Variants in FHL1 observed in about 807,000 individuals in gnomAD.
FHL1 encodes the protein four and a half LIM domains protein 1.
A neutral mutation model predicts 20.3 loss-of-function variants in FHL1; 1 was observed. The ratio of observed to expected loss-of-function variants is 0.05; its 90% CI spans 0.02 to 0.23. The LOEUF is 0.23. Among genes scored for constraint, FHL1 ranks in the 10% least tolerant of loss-of-function variants. The pLI is 1.00. For missense variants in FHL1, 177 were observed against 234.0 expected (o/e 0.76, Z 1.59); for synonymous variants, 82 against 88.9 (o/e 0.92, Z 0.44).
chrX:136,183,349 G>C (rs1481864574), intron 2 of FHL1, among the ~76,000 whole-genome samples: 1 of 111,256 alleles, frequency 9.0e-6, no homozygotes, highest in Non-Finnish European at 1.9e-5. Flanking sequence ...ATGCACTTTG[G>C]TCTTGGAAGA....
At chrX:136,181,362 T>G (rs1165903653) in intron 2 of FHL1, among the ~76,000 whole-genome samples, 2 of 111,780 alleles carry the variant, frequency 1.8e-5, no homozygotes, top group Non-Finnish European at 3.8e-5. Flanking sequence ...AGGAGAGAGA[T>G]GGTTAGGATG....
rs2073849496 is a variant in FHL1, at chrX:136,206,654, T to C, written c.204+66T>C. ...TTGGAGTGTCCTTTGCCCACAACCA[T>C]GGCAGCAGCAGCTGGCTGTTAGGAT... is the stretch of plus-strand genomic sequence containing the variant. On this transcript the variant is annotated intron_variant, in intron 2 of 5. Transcript: ENST00000370683. 3.4e-6 allele frequency: 4 copies of C among 1,170,698 alleles called. No individual in the cohort carries two copies. In the South Asian group the frequency reaches 5.4e-5, roughly 16 times the overall value.
intron 1 of FHL1, chrX:136,148,521 CTCCCGCCTCGAAAAACGTGAAA>C (rs2072173004): frequency 9.1e-6 from 1 of 110,423 alleles, no homozygotes; most frequent in African/African-American, 3.3e-5. Flanking sequence ...GGCGTGACCT[CTCCCGCCTCGAAAAACGTGAAA>C]TCCTTACAAG....
intron 1 of FHL1, among the ~76,000 whole-genome samples, chrX:136,198,822 G>T (rs2073627678): frequency 1.8e-5 from 2 of 111,716 alleles, no homozygotes; most frequent in Non-Finnish European, 3.8e-5. Flanking sequence ...CAGGTTTGGG[G>T]TGTGGAGGGG....
At chrX:136,171,081 A>C (rs1332835676) in intron 2 of FHL1, among the ~76,000 whole-genome samples, 1 of 111,719 alleles carries the variant, frequency 9.0e-6, no homozygotes, top group African/African-American at 3.3e-5. Flanking sequence ...CATTTCATCA[A>C]TTATGGTGGT....
At chrX:136,173,013 G>A (rs769697777) in intron 2 of FHL1, among the ~76,000 whole-genome samples, 1 of 113,016 alleles carries the variant, frequency 8.8e-6, no homozygotes, top group South Asian at 3.6e-4. Context: ...GATTACAGGC[G>A]TGAGCCACCA....
intron 2 of FHL1, among the ~76,000 whole-genome samples, chrX:136,190,602 C>G (rs1206789109): frequency 9.0e-6 from 1 of 111,722 alleles, no homozygotes; most frequent in Non-Finnish European, 1.9e-5. Flanking sequence ...AGAGAATCTG[C>G]AAAATGTGTC....
At chrX:136,155,948 G>T (rs141099063) in intron 1 of FHL1, among the ~76,000 whole-genome samples, 1,428 of 110,510 alleles carry the variant, frequency 0.013, 12 homozygotes, top group Middle Eastern at 0.023. Flanking sequence ...TTTTCTTCCT[G>T]TTCCTTATTA....
At chrX:136,187,204 G>A (rs2148334462) in intron 2 of FHL1, among the ~76,000 whole-genome samples, 1 of 110,053 alleles carries the variant, frequency 9.1e-6, no homozygotes, top group East Asian at 2.8e-4. Flanking sequence ...ATCTCCAGAA[G>A]CATAAAGAAG....
At position 136,210,275 on chromosome X, in the gene FHL1, T is replaced by C. The variant is rs1569530902; in HGVS notation, c.*250T>C. 2.1e-6 allele frequency: 1 copy of C among 479,901 alleles called. No individual in the cohort carries two copies. The highest frequency in any genetic ancestry group is 3.7e-6 in the Non-Finnish European group (1 of 267,309). The allele number at this position is 479,901 out of a possible 1,213,427, so 39.5% of individuals were successfully genotyped here. ...TGCAATTTAAAAATGAAAACTTAGG[T>C]AGATTGACTCTTCTGCATGTTTCTC... On this transcript the variant is annotated 3_prime_UTR_variant, in exon 6 of 6. Coordinates refer to ENST00000370683, the MANE Select transcript of FHL1 (RefSeq NM_001159699.2).
chrX:136,170,863 G>A (rs2072846993), intron 2 of FHL1, among the ~76,000 whole-genome samples: 1 of 111,325 alleles, frequency 9.0e-6, no homozygotes, highest in Non-Finnish European at 1.9e-5. Context: ...GCCCACCCCT[G>A]CATGCAGCCA....
intron 5 of FHL1, chrX:136,209,454 C>G: frequency 8.3e-7 from 1 of 1,207,945 alleles, no homozygotes; most frequent in African/African-American, 1.7e-5. Flanking sequence ...TAAGTGCACA[C>G]CCCACGAACA....
rs1370793393 is a variant in FHL1, at chrX:136,206,497, A to C, written c.113A>C (p.Lys38Thr). The change falls in exon 2 of 6, where the codon AAG (lysine) becomes ACG (threonine). Residue 38 changes from lysine to threonine, a missense_variant. Lys to Thr is a moderately conservative substitution (Grantham distance 78). Transcript: ENST00000370683. Reference sequence around the variant, plus strand: ...TTGCAGGGGAAGAAGTATGTGCAAAAGGATGGCCACCACTGCTGCCTGAAA... The same window carrying C: ...TTGCAGGGGAAGAAGTATGTGCAAACGGATGGCCACCACTGCTGCCTGAAA... ...DPLQGKKYVQ[K>T]DGHHCCLKCF... 8.2e-7 allele frequency: 1 copy of C among 1,212,410 alleles called. No homozygotes were observed. Among genetic ancestry groups the C allele is most frequent in the Non-Finnish European group, 1.1e-6 (1 of 895,624 alleles).
rs11463803 is a variant in FHL1, at chrX:136,164,211, A to ATTT, written c.-100-5685_-100-5683dup. Among the ~76,000 whole-genome samples the ATTT allele has an allele frequency of 7.1e-3, 709 of 99,500 alleles. 8 individuals carry two copies. The highest frequency in any genetic ancestry group is 0.024 in the African/African-American group (670 of 27,417). 86.4% of individuals were successfully genotyped at this position (99,500 alleles called of 115,157 possible). ...GTGCTTGATAACTGTAGTGTACTCT[A>ATTT]TTTTTTTTTTTTTGAGACACAGTCT... On this transcript the variant is annotated intron_variant, in intron 1 of 7. Transcript: ENST00000394155.
chrX:136,195,310 A>G (rs1409626890), upstream of FHL1, among the ~76,000 whole-genome samples: 2 of 112,580 alleles, frequency 1.8e-5, no homozygotes, highest in African/African-American at 6.5e-5. Flanking sequence ...TTCAACATAC[A>G]TGGGCTCTTC....
At chrX:136,187,868 AT>A (rs1328279778) in intron 2 of FHL1, among the ~76,000 whole-genome samples, 2 of 111,957 alleles carry the variant, frequency 1.8e-5, no homozygotes, top group African/African-American at 6.5e-5. Context: ...ATTATTTTAA[AT>A]TTTACTTAGA....
At chrX:136,151,892 G>A (rs190304307) in intron 1 of FHL1, among the ~76,000 whole-genome samples, 2 of 111,722 alleles carry the variant, frequency 1.8e-5, no homozygotes, top group African/African-American at 6.5e-5. Context: ...ATCTTGCCTG[G>A]AGCCTCACAG....
At chrX:136,182,874 A>T (rs1244392218) in intron 2 of FHL1, 1 of 111,921 alleles carries the variant, frequency 8.9e-6, no homozygotes, top group Non-Finnish European at 1.9e-5. Context: ...AGGTGGGTGG[A>T]TCACCTGAGG....
At chrX:136,185,924 A>C (rs1390180221) in intron 2 of FHL1, among the ~76,000 whole-genome samples, 1 of 112,051 alleles carries the variant, frequency 8.9e-6, no homozygotes, top group Non-Finnish European at 1.9e-5. Context: ...CTAATCGTCC[A>C]GAAGGGCTTG....
Sources: gnomAD v4.1 joint callset for allele counts (sites outside exome capture counted in the v4.1 genomes callset) on GRCh38, gnomAD v4.1.1 for gene constraint, MANE v1.5 for transcripts, NCBI Gene and HGNC (gene_info 2026-07-23, HGNC 2026-07-21) for gene names.